Variants in PCNT observed in about 807,000 individuals in gnomAD.
The protein encoded by PCNT is pericentrin, also known as kendrin.
PCNT carries 319 observed loss-of-function variants against 380.4 expected under a neutral mutation model. The ratio of observed to expected loss-of-function variants is 0.84; its 90% CI spans 0.77 to 0.92. PCNT has a LOEUF of 0.92. Among genes scored for constraint, PCNT ranks in the 40% least tolerant of loss-of-function variants. The pLI, the probability that PCNT is intolerant of heterozygous loss-of-function variation, is 0.00. For synonymous variants in PCNT, 1,845 were observed against 1,735.2 expected (o/e 1.06, Z -1.57); for missense variants, 4,400 against 4,255.3 (o/e 1.03, Z -0.95).
intron 1 of PCNT, among the ~76,000 whole-genome samples, chr21:46,326,104 C>T (rs1401667553): frequency 1.3e-5 from 2 of 152,176 alleles, no homozygotes; most frequent in Non-Finnish European, 2.9e-5. Flanking sequence ...TTTTATTTTT[C>T]TGTAAACTGC....
At position 46,392,501 on chromosome 21, in the gene PCNT, G is replaced by A. The variant is rs144337134; in HGVS notation, c.4216+1125G>A. Among the ~76,000 whole-genome samples the A allele has an allele frequency of 4.4e-3, 664 of 152,330 alleles. 6 individuals carry two copies. The highest frequency in any genetic ancestry group is 0.015 in the African/African-American group (613 of 41,574). On this transcript the variant is annotated intron_variant, in intron 21 of 46. Transcript: ENST00000359568. ...CTCCCATAGTGCTGGGATCGCAGGC[G>A]TGAGCCACCATGCCCGGCCAGCTCC... is the stretch of plus-strand genomic sequence containing the variant.
At chr21:46,354,141 T>G in intron 11 of PCNT, 73 bp downstream of exon 11, 1 of 1,317,086 alleles carries the variant, frequency 7.6e-7, no homozygotes, top group South Asian at 1.2e-5. Flanking sequence ...TTCCACATTA[T>G]AGAGCCTGTG....
intron 17 of PCNT, among the ~76,000 whole-genome samples, chr21:46,386,418 G>A (rs77065540): frequency 0.046 from 7,072 of 152,348 alleles, 215 homozygotes; most frequent in Non-Finnish European, 0.063. Flanking sequence ...TCTCTGTGAC[G>A]TGTGTTTCTG....
At chr21:46,389,455 C>T (rs770303306) in intron 19 of PCNT, 24 bp downstream of exon 19, 18 of 1,590,186 alleles carry the variant, frequency 1.1e-5, no homozygotes, top group Admixed American at 1.7e-5. Context: ...TCCCGGGGTC[C>T]TGTGGAGATG....
chr21:46,348,924 C>T, intron 6 of PCNT, 88 bp from the exon 7 acceptor site: 1 of 910,204 alleles, frequency 1.1e-6, no homozygotes, highest in Non-Finnish European at 1.8e-6. Flanking sequence ...CGTTGCCTGG[C>T]CTGCTCAGAG....
At chr21:46,374,774 G>C (rs1173085586) in intron 15 of PCNT, among the ~76,000 whole-genome samples, 2 of 151,746 alleles carry the variant, frequency 1.3e-5, no homozygotes. Context: ...GCTTGAACCT[G>C]GGAGGTGGAG....
In PCNT at chr21:46,397,589, G is replaced by A. The variant is rs2086250921; in HGVS notation, c.4446+95G>A. 5.6e-6 allele frequency: 6 copies of A among 1,071,884 alleles called. No homozygotes were observed. The Admixed American group carries it at 1.2e-4, about 21-fold the overall frequency. 66.4% of individuals were successfully genotyped at this position (1,071,884 alleles called of 1,614,324 possible). A position where few individuals can be genotyped will look rare whatever the true frequency, so the allele number is the denominator to read the frequency against. ...GATCGTTACGTAAGCTTCTGCAGTA[G>A]GATGTTGAAGAGGGCGCCCCACACC... is the stretch of plus-strand genomic sequence containing the variant. On this transcript the variant is annotated intron_variant, in intron 22 of 46. Coordinates refer to ENST00000359568, the MANE Select transcript of PCNT (RefSeq NM_006031.6).
At chr21:46,391,617 A>G (rs1601939073) in intron 21 of PCNT, among the ~76,000 whole-genome samples, 1 of 152,066 alleles carries the variant, frequency 6.6e-6, no homozygotes. Flanking sequence ...GAGGGTCCCC[A>G]CCTCTGTGAG....
At chr21:46,440,756 AATCT>A in intron 42 of PCNT, 95 bp from the exon 43 acceptor site, 7 of 808,008 alleles carry the variant, frequency 8.7e-6, no homozygotes, top group Non-Finnish European at 1.5e-5. Context: ...GGGAAAAAAC[AATCT>A]GACTCTTTGG....
At chr21:46,396,966 G>C (rs567074811) in intron 21 of PCNT, among the ~76,000 whole-genome samples, 5 of 152,068 alleles carry the variant, frequency 3.3e-5, no homozygotes, top group Non-Finnish European at 5.9e-5. Context: ...ACAACCCCAG[G>C]CTCTCAGCAC....
rs527590016 is a variant in PCNT at position 46,416,566 on chromosome 21, C to T, written c.6648C>T (p.Val2216=). Reference sequence around the variant, plus strand: ...AGGCTGGGCCCCGGAAGAGCCCGGTCGGGATGCTGGACCTGTCTTCCTGGA... The same window carrying T: ...AGGCTGGGCCCCGGAAGAGCCCGGTTGGGATGCTGGACCTGTCTTCCTGGA... The part of the protein sequence containing the change: ...TAEAGPRKSP[V]GMLDLSSWSS... Residue 2216 remains valine (V), a synonymous_variant, in exon 30 of 47, where the codon GTC becomes GTT. Transcript: ENST00000359568. 3.3e-5 allele frequency: 54 copies of T among 1,611,952 alleles called. 1 individual carries two copies. Among genetic ancestry groups the T allele is most frequent in the East Asian group, 3.3e-4 (15 of 44,870 alleles).
chr21:46,423,871 T>C (rs942400293), intron 32 of PCNT, among the ~76,000 whole-genome samples: 11 of 145,140 alleles, frequency 7.6e-5, no homozygotes, highest in Non-Finnish European at 1.2e-4. Context: ...GAGGAACTGC[T>C]GTCCAGGGAG....
intron 10 of PCNT, among the ~76,000 whole-genome samples, chr21:46,353,738 G>GTGTGTC (rs2084364444): frequency 7.2e-6 from 1 of 138,226 alleles, no homozygotes; most frequent in African/African-American, 2.7e-5. Flanking sequence ...GTGTGTGTGT[G>GTGTGTC]TGTGTGTGTG....
intron 3 of PCNT, 151 bp from the exon 4 acceptor site, chr21:46,345,977 G>T: frequency 1.4e-6 from 1 of 738,784 alleles, no homozygotes. Context: ...GAGGCATTTG[G>T]GTTGCTCCCA....
In PCNT at chr21:46,428,574, C is replaced by G. The variant is rs756668261; in HGVS notation, c.7674C>G (p.His2558Gln). ...SAEARGSQQE[H>Q]QLRRQVELLA... ...AGGCGCGCGGGAGCCAGCAGGAGCACCAGCTGCGCAGGCAGGGTGGGTGTC... is the reference window on the plus strand; with the variant it reads ...AGGCGCGCGGGAGCCAGCAGGAGCAGCAGCTGCGCAGGCAGGGTGGGTGTC... Residue 2558 changes from histidine (H) to glutamine (Q), a missense_variant, in exon 35 of 47, where the codon CAC (histidine) becomes CAG (glutamine). Physicochemically the swap from His to Gln is conservative, Grantham distance 24. Coordinates refer to ENST00000359568, the MANE Select transcript of PCNT (RefSeq NM_006031.6). The G allele has an allele frequency of 6.2e-7, 1 of 1,601,338 alleles. No individual in the cohort carries two copies. The highest frequency in any genetic ancestry group is 8.5e-7 in the Non-Finnish European group (1 of 1,178,560).
chr21:46,424,714 GC>G (rs57916708), intron 32 of PCNT, among the ~76,000 whole-genome samples: 5 of 81,146 alleles, frequency 6.2e-5, no homozygotes, highest in South Asian at 4.3e-4. Flanking sequence ...CTCCCACTGC[GC>G]CCCCCCCAAC....
chr21:46,397,496 T>G lies in PCNT; in HGVS notation c.4446+2T>G. 1 of 1,609,848 alleles carries G rather than the reference T, an allele frequency of 6.2e-7. No homozygotes were observed. The highest frequency in any genetic ancestry group is 8.5e-7 in the Non-Finnish European group (1 of 1,176,262). ...CGCAACCAGCGGCAATTCATGGATG[T>G]AAGAATTCTGAATAATACATTTTTT... On this transcript the variant is annotated splice_donor_variant, in intron 22 of 46. Transcript: ENST00000359568. LOFTEE classifies it high-confidence loss of function.
rs375486259 is a variant in PCNT at position 46,440,150 on chromosome 21, C to T, written c.9341C>T (p.Pro3114Leu). 6.2e-7 allele frequency: 1 copy of T among 1,614,140 alleles called. No homozygotes were observed. The stretch of plus-strand genomic sequence containing the variant: ...CAGAGTTCCCTGAGGCGCCCAGACC[C>T]CGGCCGGCTTCCACCAGCTGCCAGC... ...APQSSLRRPD[P>L]GRLPPAASEE... Residue 3114 changes from proline to leucine, a missense_variant, in exon 42 of 47, where the codon CCC (proline) becomes CTC (leucine). By Grantham distance (98) the Pro-to-Leu change is moderately conservative. Transcript: ENST00000359568.
chr21:46,412,476 T>C (rs2086821382), intron 28 of PCNT, among the ~76,000 whole-genome samples: 1 of 152,208 alleles, frequency 6.6e-6, no homozygotes, highest in Admixed American at 6.5e-5. Context: ...CTTTTGGAGC[T>C]GGAGGCCCTG....
Sources: gnomAD v4.1 joint callset for allele counts (sites outside exome capture counted in the v4.1 genomes callset) on GRCh38, gnomAD v4.1.1 for gene constraint, MANE v1.5 for transcripts, NCBI Gene and HGNC (gene_info 2026-07-23, HGNC 2026-07-21) for gene names.